The following KIAA1328 variants were observed in gnomAD, a reference collection of about 807,000 sequenced individuals.
The protein encoded by KIAA1328 is protein hinderin.
In KIAA1328, 52 loss-of-function variants were observed where a neutral mutation model predicts 68.1. The observed-to-expected ratio is 0.76, with a 90% CI of 0.61 to 0.96. KIAA1328 has a LOEUF of 0.96. KIAA1328 is among the 40% of genes least tolerant of loss of function. The pLI is 0.00. For synonymous variants in KIAA1328, 232 were observed against 239.4 expected (o/e 0.97, Z 0.28); for missense variants, 641 against 677.6 (o/e 0.95, Z 0.60).
At chr18:37,096,358 G>A (rs1301992997) in intron 7 of KIAA1328, among the ~76,000 whole-genome samples, 4 of 152,128 alleles carry the variant, frequency 2.6e-5, no homozygotes, top group Non-Finnish European at 4.4e-5. Flanking sequence ...ATAGTTTGCT[G>A]AGAATGATGG....
chr18:36,984,109 G>C (rs369616308), intron 6 of KIAA1328, among the ~76,000 whole-genome samples: 17 of 152,046 alleles, frequency 1.1e-4, no homozygotes, highest in Non-Finnish European at 2.4e-4. Context: ...TTTTCAACCT[G>C]ATAAAGCTTA....
intron 5 of KIAA1328, among the ~76,000 whole-genome samples, chr18:36,956,198 C>A (rs566564633): frequency 6.6e-6 from 1 of 152,260 alleles, no homozygotes; most frequent in South Asian, 2.1e-4. Flanking sequence ...TTGATGTAAT[C>A]TTGCTTAATA....
chr18:37,087,158 C>G (rs928159848), intron 7 of KIAA1328, among the ~76,000 whole-genome samples: 2 of 152,096 alleles, frequency 1.3e-5, no homozygotes, highest in Non-Finnish European at 2.9e-5. Context: ...CTCCTGGGCT[C>G]AGTGATCCTC....
At chr18:36,978,553 A>C (rs919071962) in intron 6 of KIAA1328, among the ~76,000 whole-genome samples, 3 of 152,190 alleles carry the variant, frequency 2.0e-5, no homozygotes, top group Non-Finnish European at 4.4e-5. Context: ...TGGCATTCAG[A>C]CTTGGAACTT....
At chr18:37,186,923 C>A (rs964026837) in intron 9 of KIAA1328, among the ~76,000 whole-genome samples, 1 of 152,120 alleles carries the variant, frequency 6.6e-6, no homozygotes, top group African/African-American at 2.4e-5. Context: ...CCTGTAATCC[C>A]AGCACTTTGG....
Position 37,096,458 on chromosome 18 carries a change from T to A in KIAA1328, c.1232+28913T>A, listed in dbSNP as rs2057410751. Among the ~76,000 whole-genome samples the A allele has an allele frequency of 2.0e-5, 3 of 152,236 alleles. No individual in the cohort carries two copies. In the South Asian group the frequency reaches 6.2e-4, roughly 32 times the overall value. On this transcript the variant is annotated intron_variant, in intron 7 of 9. Transcript: ENST00000280020. ...TTCCATGGTGTATATGTGCCACATT[T>A]TCTTAATCCAGTCTATCATTGTTGG...
chr18:37,169,179 T>C (rs1044740610), intron 8 of KIAA1328, among the ~76,000 whole-genome samples: 2 of 150,928 alleles, frequency 1.3e-5, no homozygotes, highest in African/African-American at 4.9e-5. Context: ...TATTTTTTTT[T>C]TTTTGAGACA....
At chr18:36,961,265 A>G (rs111357585) in intron 6 of KIAA1328, among the ~76,000 whole-genome samples, 16,255 of 152,200 alleles carry the variant, frequency 0.11, 1,096 homozygotes, top group Non-Finnish European at 0.13. Flanking sequence ...AAGCTTAGAG[A>G]AAAAAAAGTA....
At chr18:36,843,555 G>C (rs1036606023) in intron 3 of KIAA1328, among the ~76,000 whole-genome samples, 1 of 152,138 alleles carries the variant, frequency 6.6e-6, no homozygotes, top group Non-Finnish European at 1.5e-5. Context: ...TGTTTAAAGA[G>C]CACAGACTCT....
At chr18:36,935,226 C>T (rs1224368920) in intron 5 of KIAA1328, among the ~76,000 whole-genome samples, 4 of 152,210 alleles carry the variant, frequency 2.6e-5, no homozygotes, top group South Asian at 2.1e-4. Flanking sequence ...TGGTTGGTTA[C>T]AGAAGGTGAT....
chr18:37,076,853 AC>A (rs1324798342), intron 7 of KIAA1328, among the ~76,000 whole-genome samples: 2 of 152,020 alleles, frequency 1.3e-5, no homozygotes, highest in African/African-American at 4.8e-5. Context: ...TAGCTTACCA[AC>A]CAAAAAGAGT....
intron 7 of KIAA1328, among the ~76,000 whole-genome samples, chr18:37,141,574 C>T (rs1311604645): frequency 1.3e-5 from 2 of 152,116 alleles, no homozygotes; most frequent in Non-Finnish European, 2.9e-5. Flanking sequence ...GTGTACATGT[C>T]TTTAGTGGAC....
chr18:36,998,679 C>G (rs1298113109), intron 6 of KIAA1328, among the ~76,000 whole-genome samples: 1 of 152,186 alleles, frequency 6.6e-6, no homozygotes, highest in Non-Finnish European at 1.5e-5. Flanking sequence ...ACACCATTTA[C>G]AGCCAAAGAA....
intron 6 of KIAA1328, among the ~76,000 whole-genome samples, chr18:36,989,935 C>T (rs1420507533): frequency 6.6e-6 from 1 of 152,106 alleles, no homozygotes; most frequent in Non-Finnish European, 1.5e-5. Flanking sequence ...CCTTGGGATC[C>T]GCCTGCCTCG....
At position 36,862,833 on chromosome 18, in the gene KIAA1328, T is replaced by C. The variant is rs193185770; in HGVS notation, c.332+18531T>C. ...CATTCTTGCTAACATTTGTTATAAT[T>C]AATTTCTATTCTAGTCATTCTGGTA... On this transcript the variant is annotated intron_variant, in intron 4 of 9. Transcript: ENST00000280020. Among the ~76,000 whole-genome samples the C allele has an allele frequency of 5.1e-3, 775 of 152,322 alleles. 6 individuals are homozygous for C. Among genetic ancestry groups the C allele is most frequent in the Non-Finnish European group, 9.0e-3 (609 of 68,008 alleles).
chr18:37,231,749 C>A (rs2060664825), downstream of KIAA1328: 1 of 152,822 alleles, frequency 6.5e-6, no homozygotes, highest in Non-Finnish European at 1.5e-5. Context: ...ATGCCCTAGG[C>A]CCGTGCCCTT....
At chr18:37,157,807 C>CAAA (rs542590805) in intron 7 of KIAA1328, among the ~76,000 whole-genome samples, 35 of 55,286 alleles carry the variant, frequency 6.3e-4, no homozygotes, top group African/African-American at 9.6e-4. Context: ...GACTCCTCTC[C>CAAA]AAAAAAAAAA....
Position 36,948,261 on chromosome 18 carries a change from GTTTTTTT to G in KIAA1328, c.449-11034_449-11028del, listed in dbSNP as rs1167822236. The stretch of plus-strand genomic sequence containing the variant: ...ATGACTTTTTGTTTGTTTGTCTTTT[GTTTTTTT>G]TTTTTTTTTTTTGAGACAGAGTCTT... On this transcript the variant is annotated intron_variant, in intron 5 of 9. Coordinates refer to ENST00000280020, the MANE Select transcript of KIAA1328 (RefSeq NM_020776.3). Among the ~76,000 whole-genome samples, 39 of 115,774 alleles carry G rather than the reference GTTTTTTT, an allele frequency of 3.4e-4. 1 individual carries two copies. Among genetic ancestry groups the G allele is most frequent in the Admixed American group, 3.2e-3 (34 of 10,628 alleles). The allele number at this position is 115,774 out of a possible 152,430, so 76.0% of individuals were successfully genotyped here. A position where few individuals can be genotyped will look rare whatever the true frequency, so the allele number is the denominator to read the frequency against.
intron 5 of KIAA1328, among the ~76,000 whole-genome samples, chr18:36,901,354 G>A (rs2049032506): frequency 6.6e-6 from 1 of 152,018 alleles, no homozygotes; most frequent in Non-Finnish European, 1.5e-5. Context: ...CAGAACTAAT[G>A]TGGAAGGATA....
Sources: allele counts gnomAD v4.1 joint callset (sites outside exome capture counted in the v4.1 genomes callset), GRCh38; gene constraint gnomAD v4.1.1; transcripts MANE v1.5; gene names NCBI Gene and HGNC (gene_info 2026-07-23, HGNC 2026-07-21).